ZCCHC2: variants seen among roughly 807,000 people sequenced by gnomAD.
The protein encoded by ZCCHC2 is zinc finger CCHC-type containing 2.
Under a neutral mutation model 103.6 loss-of-function variants are expected in ZCCHC2, and 39 were observed. That is an observed-to-expected ratio of 0.38 (90% CI 0.29 to 0.49). The LOEUF (loss-of-function observed/expected upper bound fraction) is 0.49, where lower values mean the gene tolerates loss of function less well. ZCCHC2 is among the 20% of genes least tolerant of loss of function. The probability of loss-of-function intolerance (pLI) is 0.96; values close to 1 mark genes in which losing one functional copy is unlikely to be tolerated. For synonymous variants in ZCCHC2, 687 were observed against 608.9 expected (o/e 1.13, Z -1.89); for missense variants, 1,483 against 1,491.0 (o/e 0.99, Z 0.09).
At chr18:62,533,872 C>CAA (rs35039729) in intron 1 of ZCCHC2, among the ~76,000 whole-genome samples, 42,223 of 99,216 alleles carry the variant, frequency 0.43, 8,657 homozygotes, top group East Asian at 0.72. Context: ...AACTCTGCCT[C>CAA]AAAAAAAAAA....
Position 62,523,236 on chromosome 18 carries a change from G to A in ZCCHC2, c.-189G>A, listed in dbSNP as rs1370742732. 2.5e-5 allele frequency: 8 copies of A among 325,772 alleles called. No individual in the cohort carries two copies. Among genetic ancestry groups the A allele is most frequent in the African/African-American group, 4.5e-5 (2 of 44,390 alleles). 20.2% of individuals were successfully genotyped at this position (325,772 alleles called of 1,614,324 possible). ...CGCCCCGCCCCCAGCCCGGGAAGAC[G>A]ACGCCAGCGACCCCGCCGGCCGGCC... On this transcript the variant is annotated 5_prime_UTR_variant, in exon 1 of 14. Coordinates refer to ENST00000269499, the MANE Select transcript of ZCCHC2 (RefSeq NM_017742.6).
At chr18:62,575,861 T>A (rs778072797) in intron 13 of ZCCHC2, among the ~76,000 whole-genome samples, 15 of 152,196 alleles carry the variant, frequency 9.9e-5, no homozygotes, top group Admixed American at 2.0e-4. Context: ...TTTTTTTTTT[T>A]AAGCTACAAT....
intron 1 of ZCCHC2, among the ~76,000 whole-genome samples, chr18:62,532,543 A>C (rs1440873615): frequency 6.6e-6 from 1 of 152,092 alleles, no homozygotes; most frequent in Non-Finnish European, 1.5e-5. Flanking sequence ...TTAGACTCAA[A>C]ATCTCCTCCT....
intron 11 of ZCCHC2, among the ~76,000 whole-genome samples, chr18:62,568,509 T>C (rs1013418493): frequency 6.6e-6 from 1 of 152,234 alleles, no homozygotes; most frequent in South Asian, 2.1e-4. Context: ...CTTTGGAAGC[T>C]GCGGTTTTGT....
chr18:62,534,459 G>A (rs1345033255), intron 1 of ZCCHC2, among the ~76,000 whole-genome samples: 1 of 152,200 alleles, frequency 6.6e-6, no homozygotes, highest in African/African-American at 2.4e-5. Context: ...TGCTTGGATA[G>A]TTGATGGTAG....
intron 1 of ZCCHC2, among the ~76,000 whole-genome samples, chr18:62,529,821 T>C (rs1914605088): frequency 6.6e-6 from 1 of 152,192 alleles, no homozygotes; most frequent in African/African-American, 2.4e-5. Context: ...TATTTATACA[T>C]ACCCATGGTT....
intron 1 of ZCCHC2, among the ~76,000 whole-genome samples, chr18:62,533,872 C>A (rs1167824640): frequency 0.025 from 2,448 of 98,284 alleles, no homozygotes; most frequent in Admixed American, 0.03. Flanking sequence ...AACTCTGCCT[C>A]AAAAAAAAAA....
In ZCCHC2 at chr18:62,574,929, A is replaced by G. The variant is rs1284981843; in HGVS notation, c.2848A>G (p.Ile950Val). The G allele has an allele frequency of 1.9e-6, 3 of 1,613,880 alleles. No individual in the cohort carries two copies. The East Asian group carries it at 6.7e-5, about 36-fold the overall frequency. ...TTCTCCCCAGCCAGCGAGCGCAGGT[A>G]TCAGCCAGGCCCAGGCAACTGTTCC... Reference protein sequence around the residue: ...ATSPQPASAGISQAQATVPPA... With the variant: ...ATSPQPASAGVSQAQATVPPA... Residue 950 changes from isoleucine to valine, a missense_variant, in exon 13 of 14, where the codon ATC becomes GTC. Ile to Val is a conservative substitution (Grantham distance 29). This residue lies in a region of ZCCHC2 where 884 missense variants were observed against 907.5 expected (regional missense o/e 0.97). Coordinates refer to ENST00000269499, the MANE Select transcript of ZCCHC2 (RefSeq NM_017742.6).
At position 62,576,584 on chromosome 18, in the gene ZCCHC2, A is replaced by C. The variant is rs1366260873; in HGVS notation, c.*5A>C. 1 of 1,612,982 alleles carries C rather than the reference A, an allele frequency of 6.2e-7. No homozygotes were observed. The highest frequency in any genetic ancestry group is 8.5e-7 in the Non-Finnish European group (1 of 1,179,234). The stretch of plus-strand genomic sequence containing the variant: ...ACGTTGGATTCTGCAGACTGAAACG[A>C]GTAAAGCTTGCCTACTTAATACACT... On this transcript the variant is annotated 3_prime_UTR_variant, in exon 14 of 14. Transcript: ENST00000269499.
At chr18:62,530,080 G>T (rs1914616717) in intron 1 of ZCCHC2, among the ~76,000 whole-genome samples, 1 of 152,148 alleles carries the variant, frequency 6.6e-6, no homozygotes, top group Non-Finnish European at 1.5e-5. Context: ...TTGGATTTTG[G>T]TATTGGGAGT....
At chr18:62,561,766 A>G (rs1344447255) in intron 8 of ZCCHC2, among the ~76,000 whole-genome samples, 1 of 152,202 alleles carries the variant, frequency 6.6e-6, no homozygotes, top group Non-Finnish European at 1.5e-5. Flanking sequence ...TTTGAAGATA[A>G]TACGCATTTC....
Position 62,523,463 on chromosome 18 carries a change from CG to C in ZCCHC2, c.40del (p.Ala14ArgfsTer267). On this transcript the variant is annotated frameshift_variant, in exon 1 of 14. Transcript: ENST00000269499. LOFTEE classifies it high-confidence loss of function. Reference sequence around the variant, plus strand: ...AGCTGCCGCTGAAGCCAACGCACCCCGCGGAGCCGCCGCCCGAGGCGGAGGA... The same window carrying C: ...AGCTGCCGCTGAAGCCAACGCACCCCCGGAGCCGCCGCCCGAGGCGGAGGA... ...MKLPLKPTHPAEPPPEAEEPE... is the reference protein window; with the variant it reads ...MKLPLKPTHPXEPPPEAEEPE... 9.1e-7 allele frequency: 1 copy of C among 1,094,032 alleles called. No individual in the cohort carries two copies. Among genetic ancestry groups the C allele is most frequent in the South Asian group, 2.1e-5 (1 of 46,728 alleles). The allele number at this position is 1,094,032 out of a possible 1,614,324, so 67.8% of individuals were successfully genotyped here.
At chr18:62,540,005 A>G (rs8087459) in intron 2 of ZCCHC2, among the ~76,000 whole-genome samples, 123,566 of 152,094 alleles carry the variant, frequency 0.81, 50,916 homozygotes, top group African/African-American at 0.95. Flanking sequence ...TAGCACGCAC[A>G]CAGTCATTCT....
chr18:62,551,260 G>A, intron 5 of ZCCHC2: 1 of 152,444 alleles, frequency 6.6e-6, no homozygotes, highest in East Asian at 1.9e-4. Flanking sequence ...CCTGATGAAG[G>A]AAATCAAGTG....
chr18:62,585,857 T>G (rs960014345), exon 15 of ZCCHC2: 1 of 152,224 alleles, frequency 6.6e-6, no homozygotes, highest in Non-Finnish European at 1.5e-5. Flanking sequence ...AACTCTGCCC[T>G]GTTTTACAGT....
intron 1 of ZCCHC2, among the ~76,000 whole-genome samples, chr18:62,529,674 A>G (rs972794252): frequency 6.6e-6 from 1 of 152,180 alleles, no homozygotes; most frequent in Non-Finnish European, 1.5e-5. Context: ...ACATTTTTCT[A>G]TGCAGTCATT....
Position 62,556,130 on chromosome 18 carries a change from TA to T in ZCCHC2, c.1314-72del, listed in dbSNP as rs1259736324. On this transcript the variant is annotated intron_variant, in intron 5 of 13. Transcript: ENST00000269499. The stretch of plus-strand genomic sequence containing the variant: ...ATTAAACTGCCACTTCATTCTGCTT[TA>T]TAATTGAAACTGAGCTTCTTGTGGA... The T allele has an allele frequency of 4.0e-6, 5 of 1,236,508 alleles. No individual in the cohort carries two copies. The East Asian group carries it at 1.3e-4, about 31-fold the overall frequency. The allele number at this position is 1,236,508 out of a possible 1,614,324, so 76.6% of individuals were successfully genotyped here. A position where few individuals can be genotyped will look rare whatever the true frequency, so the allele number is the denominator to read the frequency against.
At chr18:62,538,410 C>T (rs1001360830) in intron 1 of ZCCHC2, among the ~76,000 whole-genome samples, 1 of 152,038 alleles carries the variant, frequency 6.6e-6, no homozygotes, top group Non-Finnish European at 1.5e-5. Context: ...GAAGCAGAAT[C>T]TCTCGTGGGT....
intron 14 of ZCCHC2, among the ~76,000 whole-genome samples, chr18:62,583,844 T>C (rs905001643): frequency 6.6e-6 from 1 of 152,132 alleles, no homozygotes; most frequent in African/African-American, 2.4e-5. Flanking sequence ...GATGAGGGGC[T>C]CTGGGGTCCC....
Sources: allele counts gnomAD v4.1 joint callset (sites outside exome capture counted in the v4.1 genomes callset), GRCh38; gene constraint gnomAD v4.1.1; regional missense constraint gnomAD v4.1.1; transcripts MANE v1.5; gene names NCBI Gene and HGNC (gene_info 2026-07-23, HGNC 2026-07-21).